The following FUT8 variants were observed in gnomAD, a reference collection of about 807,000 sequenced individuals.
FUT8 encodes the protein alpha-(1,6)-fucosyltransferase.
FUT8 carries 29 observed loss-of-function variants against 71.3 expected under a neutral mutation model. The ratio of observed to expected loss-of-function variants is 0.41; its 90% CI spans 0.30 to 0.55. The LOEUF (loss-of-function observed/expected upper bound fraction) is 0.55, where lower values mean the gene tolerates loss of function less well. Among genes scored for constraint, FUT8 ranks in the 20% least tolerant of loss-of-function variants. FUT8 has a pLI of 0.34. For missense variants in FUT8, 544 were observed against 702.1 expected (o/e 0.77, Z 2.55); for synonymous variants, 254 against 239.3 (o/e 1.06, Z -0.57).
At chr14:65,636,778 A>C (rs1890581504) in intron 6 of FUT8, among the ~76,000 whole-genome samples, 1 of 152,222 alleles carries the variant, frequency 6.6e-6, no homozygotes, top group African/African-American at 2.4e-5. Context: ...ATTTCACAGG[A>C]CATAATGGAA....
chr14:65,732,363 G>A (rs1329433062), intron 9 of FUT8, among the ~76,000 whole-genome samples: 1 of 152,194 alleles, frequency 6.6e-6, no homozygotes, highest in Non-Finnish European at 1.5e-5. Flanking sequence ...ATTGTGTGGA[G>A]TGCTAGATGC....
the FUT8 span, among the ~76,000 whole-genome samples, chr14:65,399,430 G>A: frequency 6.6e-6 from 1 of 152,256 alleles, no homozygotes; most frequent in South Asian, 2.1e-4. Flanking sequence ...AAACAGCCCA[G>A]GACACTTGAA....
At chr14:65,500,178 T>C (rs187994765) in intron 2 of FUT8, among the ~76,000 whole-genome samples, 7 of 152,360 alleles carry the variant, frequency 4.6e-5, no homozygotes, top group African/African-American at 9.6e-5. Flanking sequence ...CTCATTCTTA[T>C]AACACACTTT....
intron 6 of FUT8, among the ~76,000 whole-genome samples, chr14:65,666,450 TGGAAA>T (rs1892220143): frequency 6.6e-6 from 1 of 152,156 alleles, no homozygotes; most frequent in African/African-American, 2.4e-5. Context: ...GATAAATTCC[TGGAAA>T]CATACAACCT....
chr14:65,633,665 G>A (rs554405302), intron 6 of FUT8, among the ~76,000 whole-genome samples: 9 of 150,368 alleles, frequency 6.0e-5, no homozygotes, highest in Admixed American at 1.3e-4. Flanking sequence ...GCCTCTGCCC[G>A]GCCACGACCC....
chr14:65,665,865 A>G (rs1283936026), intron 6 of FUT8, among the ~76,000 whole-genome samples: 1 of 152,164 alleles, frequency 6.6e-6, no homozygotes, highest in African/African-American at 2.4e-5. Context: ...TCTCACTTAT[A>G]AGTGGGAGCT....
intron 2 of FUT8, among the ~76,000 whole-genome samples, chr14:65,548,870 G>A (rs1885125556): frequency 6.6e-6 from 1 of 152,114 alleles, no homozygotes; most frequent in Non-Finnish European, 1.5e-5. Flanking sequence ...AAGAACTCAA[G>A]TCTCAGCAGT....
intron 1 of FUT8, among the ~76,000 whole-genome samples, chr14:65,438,278 T>TC (rs58485740): frequency 6.6e-6 from 1 of 152,180 alleles, no homozygotes; most frequent in East Asian, 1.9e-4. Context: ...GTTTTTTTTT[T>TC]CCCCTCACAT....
intron 6 of FUT8, among the ~76,000 whole-genome samples, chr14:65,642,485 C>G (rs982474947): frequency 1.3e-5 from 2 of 151,922 alleles, no homozygotes; most frequent in East Asian, 3.9e-4. Context: ...CACCTACAAT[C>G]CCAGCTACTT....
At chr14:65,439,296 G>A (rs1177904958) in intron 1 of FUT8, among the ~76,000 whole-genome samples, 7 of 152,218 alleles carry the variant, frequency 4.6e-5, no homozygotes, top group Non-Finnish European at 1.0e-4. Context: ...CTATAAGGAT[G>A]TGGACAAACT....
intron 2 of FUT8, among the ~76,000 whole-genome samples, chr14:65,502,901 A>G (rs1324669412): frequency 6.6e-6 from 1 of 152,180 alleles, no homozygotes; most frequent in Non-Finnish European, 1.5e-5. Flanking sequence ...GTGCATTTCT[A>G]ACAAGCTCCC....
chr14:65,388,130 T>C, the FUT8 span, among the ~76,000 whole-genome samples: 1 of 152,148 alleles, frequency 6.6e-6, no homozygotes, highest in African/African-American at 2.4e-5. Flanking sequence ...CTTCCCAAAG[T>C]GATAAAGTTT....
chr14:65,485,447 G>A lies in FUT8; in HGVS notation c.-228+29729G>A, dbSNP rs181691986. On this transcript the variant is annotated intron_variant, in intron 2 of 10. Transcript: ENST00000673929. Reference sequence around the variant, plus strand: ...GAGGCCTGGAGCAATGCTCAATCCAGGGCTAGTTATTCCTCACTACTGAGG... The same window carrying A: ...GAGGCCTGGAGCAATGCTCAATCCAAGGCTAGTTATTCCTCACTACTGAGG... 3.3e-3 allele frequency among the ~76,000 whole-genome samples: 497 copies of A among 152,260 alleles called. 3 individuals carry two copies. Among genetic ancestry groups the A allele is most frequent in the African/African-American group, 0.011 (448 of 41,540 alleles).
rs1172578679 is a variant in FUT8, at chr14:65,550,379, A to T, written c.-227-10958A>T. On this transcript the variant is annotated intron_variant, in intron 2 of 10. Transcript: ENST00000673929. This position sits in a 1 kb window ranked among gnomAD's most constrained non-coding sequence, Gnocchi z 4.5. The stretch of plus-strand genomic sequence containing the variant: ...TTAGCCTACCTTAAATGTGCCCAGA[A>T]CACTTATATTAGCCTACAGTTGGAC... 6.6e-6 allele frequency among the ~76,000 whole-genome samples: 1 copy of T among 152,198 alleles called. No individual in the cohort carries two copies.
chr14:65,357,661 G>A, the FUT8 span, among the ~76,000 whole-genome samples: 20 of 152,246 alleles, frequency 1.3e-4, no homozygotes, highest in South Asian at 1.9e-3. Flanking sequence ...TGTAAACCTC[G>A]GCTCTGTCAC....
intron 1 of FUT8, among the ~76,000 whole-genome samples, chr14:65,424,539 C>CTTTTTTTTTTTTTTT (rs796843891): frequency 2.4e-5 from 3 of 125,452 alleles, no homozygotes; most frequent in Admixed American, 8.0e-5. Context: ...CTTTTCTTTT[C>CTTTTTTTTTTTTTTT]TTTTTTTTTT....
At chr14:65,709,292 C>T (rs1392046030) in intron 7 of FUT8, among the ~76,000 whole-genome samples, 1 of 151,928 alleles carries the variant, frequency 6.6e-6, no homozygotes, top group Non-Finnish European at 1.5e-5. Flanking sequence ...AGTCTATTTC[C>T]TCTGTAAAAT....
intron 2 of FUT8, among the ~76,000 whole-genome samples, chr14:65,508,634 G>C (rs1480327068): frequency 2.7e-5 from 4 of 150,766 alleles, no homozygotes; most frequent in African/African-American, 7.3e-5. Flanking sequence ...CGAAGTAGCT[G>C]GGATTACAGG....
Position 65,439,954 on chromosome 14 carries a change from G to GTGTATATATA in FUT8, c.-325-15666_-325-15665insGTATATATAT. Among the ~76,000 whole-genome samples the GTGTATATATA allele has an allele frequency of 5.3e-3, 397 of 74,864 alleles. 10 individuals carry two copies. The highest frequency in any genetic ancestry group is 0.015 in the African/African-American group (287 of 19,710). The allele number at this position is 74,864 out of a possible 152,430, so 49.1% of individuals were successfully genotyped here. On this transcript the variant is annotated intron_variant, in intron 1 of 10. Coordinates refer to ENST00000673929, the MANE Select transcript of FUT8 (RefSeq NM_001371533.1). ...ATAAAGAAAATGTGTGTGTGTGTGT[G>GTGTATATATA]TATATATATATATATATATATATAT...
Sources: allele counts gnomAD v4.1 joint callset (sites outside exome capture counted in the v4.1 genomes callset), GRCh38; gene constraint gnomAD v4.1.1; non-coding constraint Gnocchi (gnomAD v3.1); transcripts MANE v1.5; gene names NCBI Gene and HGNC (gene_info 2026-07-23, HGNC 2026-07-21).